The following CCDC50 variants were observed in gnomAD, a reference collection of about 807,000 sequenced individuals.
The protein encoded by CCDC50 is coiled-coil domain containing 50.
Under a neutral mutation model 70.2 loss-of-function variants are expected in CCDC50, and 54 were observed. That is an observed-to-expected ratio of 0.77 (90% CI 0.62 to 0.96). The LOEUF is 0.96. Ranked by LOEUF, CCDC50 falls within the 50% of genes least tolerant of loss-of-function variation. The pLI is 0.00. For synonymous variants in CCDC50, 216 were observed against 198.8 expected, an observed-to-expected ratio of 1.09 and a Z score of -0.73; for missense variants, 558 against 578.7, an observed-to-expected ratio of 0.96 and a Z score of 0.37.
intron 4 of CCDC50, among the ~76,000 whole-genome samples, chr3:191,364,734 T>C (rs1026468389): frequency 6.6e-6 from 1 of 152,112 alleles, no homozygotes; most frequent in African/African-American, 2.4e-5. Context: ...GTAAGGAAAG[T>C]AGCATTTCCA....
At chr3:191,391,326 A>G (rs927629872) in intron 11 of CCDC50, among the ~76,000 whole-genome samples, 1 of 152,208 alleles carries the variant, frequency 6.6e-6, no homozygotes, top group Non-Finnish European at 1.5e-5. Flanking sequence ...TTGCATTTTT[A>G]AGAAGCTCCC....
chr3:191,358,532 A>G (rs1017183537), intron 3 of CCDC50, among the ~76,000 whole-genome samples: 5 of 152,136 alleles, frequency 3.3e-5, no homozygotes, highest in South Asian at 2.1e-4. Context: ...ACTATGTTCT[A>G]GCTGTGTTTG....
intron 6 of CCDC50, among the ~76,000 whole-genome samples, chr3:191,377,769 G>A (rs1034137586): frequency 1.3e-5 from 2 of 152,068 alleles, no homozygotes; most frequent in African/African-American, 4.8e-5. Flanking sequence ...CTGAAGTTTT[G>A]TGTTCATTTA....
At chr3:191,376,018 C>G (rs890273432) in intron 6 of CCDC50, among the ~76,000 whole-genome samples, 4 of 150,200 alleles carry the variant, frequency 2.7e-5, no homozygotes, top group Admixed American at 2.7e-4. Flanking sequence ...GCCGGAAATA[C>G]TGTATTTTTT....
At position 191,329,737 on chromosome 3, in the gene CCDC50, A is replaced by G. The variant is rs1481282673; in HGVS notation, c.49+14A>G. 1 of 1,607,496 alleles carries G rather than the reference A, an allele frequency of 6.2e-7. No individual in the cohort carries two copies. On this transcript the variant is annotated intron_variant, in intron 1 of 11. Transcript: ENST00000392455. ...GAGTCAAGGAAGGTAAGGGCCCCGG[A>G]GGGAGAGCGCGCGGGACCCTCCCCT...
At chr3:191,362,159 G>A (rs532007678) in intron 4 of CCDC50, among the ~76,000 whole-genome samples, 74 of 151,940 alleles carry the variant, frequency 4.9e-4, no homozygotes, top group African/African-American at 1.7e-3. Flanking sequence ...ACAGTGTTTT[G>A]CTCCATCACC....
chr3:191,373,725 CTT>C (rs1712994552), intron 5 of CCDC50, among the ~76,000 whole-genome samples: 1 of 152,192 alleles, frequency 6.6e-6, no homozygotes, highest in East Asian at 1.9e-4. Context: ...TAAAATAAAA[CTT>C]ACCCATAAAT....
chr3:191,329,412 T>G lies in CCDC50; in HGVS notation c.-263T>G. On this transcript the variant is annotated 5_prime_UTR_variant, in exon 1 of 12. Coordinates refer to ENST00000392455, the MANE Select transcript of CCDC50 (RefSeq NM_178335.3). ...CCGGTCCATTTCCGGGCTCCGGATA[T>G]TTGGTATCGATTGGGGCCGGGGACG... The G allele has an allele frequency of 3.2e-5, 13 of 404,682 alleles. No homozygotes were observed. Among genetic ancestry groups the G allele is most frequent in the East Asian group, 9.2e-5 (2 of 21,818 alleles). 25.1% of individuals were successfully genotyped at this position (404,682 alleles called of 1,614,324 possible). A position where few individuals can be genotyped will look rare whatever the true frequency, so the allele number is the denominator to read the frequency against.
chr3:191,379,381 A>G (rs73185240), intron 6 of CCDC50, among the ~76,000 whole-genome samples: 14,880 of 152,142 alleles, frequency 0.098, 803 homozygotes, highest in East Asian at 0.24. Context: ...GAAATGAACT[A>G]TTTCAGATAA....
intron 5 of CCDC50, chr3:191,370,412 T>C (rs1712867217): frequency 3.9e-6 from 1 of 256,848 alleles, no homozygotes. Flanking sequence ...TGCCTTCCTG[T>C]ATACATGTGT....
Position 191,391,750 on chromosome 3 carries a change from A to G in CCDC50, c.1439A>G (p.Tyr480Cys), listed in dbSNP as rs1713700138. The G allele has an allele frequency of 6.2e-7, 1 of 1,612,934 alleles. No individual in the cohort carries two copies. The highest frequency in any genetic ancestry group is 8.5e-7 in the Non-Finnish European group (1 of 1,179,216). ...TTCTTCCCCTCCCCAGGTTTTCATT[A>G]CAAACATTAAAAACCTAGGAATCTG... ...KSESSHKGFH[Y>C]KH The change falls in exon 12 of 12, where the codon TAC becomes TGC. Residue 480 changes from tyrosine (Y) to cysteine (C), a missense_variant. Transcript: ENST00000392455.
At chr3:191,373,682 G>A (rs1449229027) in intron 5 of CCDC50, among the ~76,000 whole-genome samples, 2 of 151,022 alleles carry the variant, frequency 1.3e-5, no homozygotes, top group African/African-American at 2.4e-5. Context: ...TTTTATCACC[G>A]GGTAATTCTT....
intron 4 of CCDC50, among the ~76,000 whole-genome samples, chr3:191,365,285 A>C (rs1334820221): frequency 6.6e-6 from 1 of 151,952 alleles, no homozygotes; most frequent in Non-Finnish European, 1.5e-5. Context: ...ATTCACATTG[A>C]AAAAATGAAT....
At chr3:191,365,107 CCTAGGTTTAAAAT>C (rs1252877360) in intron 4 of CCDC50, among the ~76,000 whole-genome samples, 2 of 138,278 alleles carry the variant, frequency 1.4e-5, no homozygotes, top group Admixed American at 7.2e-5. Context: ...TGTGTTTAAA[CCTAGGTTTAAAAT>C]ATATGTGAAT....
At chr3:191,354,721 C>T (rs1039314417) in intron 1 of CCDC50, among the ~76,000 whole-genome samples, 8 of 152,026 alleles carry the variant, frequency 5.3e-5, no homozygotes, top group African/African-American at 1.9e-4. Context: ...GTTTCCTGTA[C>T]TGTGTGTGAT....
chr3:191,380,316 T>A (rs766915829), intron 7 of CCDC50, 42 bp downstream of exon 7: 12 of 1,274,480 alleles, frequency 9.4e-6, no homozygotes. Context: ...TATTGATGGG[T>A]ATTTTTTTTG....
intron 4 of CCDC50, among the ~76,000 whole-genome samples, chr3:191,361,637 T>C (rs1712491201): frequency 6.6e-6 from 1 of 152,206 alleles, no homozygotes; most frequent in African/African-American, 2.4e-5. Context: ...GTCTGTATCT[T>C]TGTGTCTTCT....
chr3:191,342,318 A>G (rs1251003463), intron 1 of CCDC50, among the ~76,000 whole-genome samples: 1 of 152,214 alleles, frequency 6.6e-6, no homozygotes, highest in Non-Finnish European at 1.5e-5. Flanking sequence ...TATCTAAAGT[A>G]AAGTTGTTGG....
chr3:191,337,257 C>A (rs868306700), intron 1 of CCDC50, among the ~76,000 whole-genome samples: 1 of 152,016 alleles, frequency 6.6e-6, no homozygotes, highest in Non-Finnish European at 1.5e-5. Flanking sequence ...GTTCAGTTAT[C>A]GGTATAAACA....
Sources: allele counts gnomAD v4.1 joint callset (sites outside exome capture counted in the v4.1 genomes callset), GRCh38; gene constraint gnomAD v4.1.1; transcripts MANE v1.5; gene names NCBI Gene and HGNC (gene_info 2026-07-23, HGNC 2026-07-21).